Variants in MGAM observed in about 807,000 individuals in gnomAD.
MGAM encodes maltase-glucoamylase, also known as alpha-1,4-glucosidase.
In MGAM, 253 loss-of-function variants were observed where a neutral mutation model predicts 358.8. The observed-to-expected ratio is 0.71, with a 90% confidence interval of 0.64 to 0.78. The LOEUF is 0.78. Ranked by LOEUF, MGAM falls within the 30% of genes least tolerant of loss-of-function variation. The probability of loss-of-function intolerance (pLI) is 0.00; values close to 1 mark genes in which losing one functional copy is unlikely to be tolerated. For synonymous variants in MGAM, 1,105 were observed against 1,227.1 expected (o/e 0.90, Z 2.08); for missense variants, 3,080 against 3,432.6 (o/e 0.90, Z 2.57).
intron 47 of MGAM, among the ~76,000 whole-genome samples, chr7:142,077,920 G>C (rs1356152469): frequency 6.9e-6 from 1 of 145,634 alleles, no homozygotes; most frequent in Non-Finnish European, 1.6e-5. Flanking sequence ...TTGGGGACTG[G>C]AGAGCAAGAG....
At chr7:142,069,136 C>T (rs61557664) in intron 43 of MGAM, among the ~76,000 whole-genome samples, 1 of 145,880 alleles carries the variant, frequency 6.9e-6, no homozygotes, top group Non-Finnish European at 1.6e-5. Flanking sequence ...TAAATACCTC[C>T]TTCCATAGCA....
rs747301445 is a variant in MGAM at position 142,105,862 on chromosome 7, A to G, written c.8233A>G (p.Thr2745Ala). 3.1e-6 allele frequency: 5 copies of G among 1,613,244 alleles called. No individual in the cohort carries two copies. Among genetic ancestry groups the G allele is most frequent in the Non-Finnish European group, 4.2e-6 (5 of 1,179,260 alleles). The change falls in exon 71 of 71, where the codon ACT becomes GCT. Residue 2745 changes from threonine to alanine, a missense_variant. Thr to Ala is a moderately conservative substitution (Grantham distance 58, BLOSUM62 0). This residue lies in a region of MGAM where 194 missense variants were observed against 172.8 expected (regional missense o/e 1.12). Transcript: ENST00000475668. ...CAGAAACATCAGCCTACATAATTTTACTTCATTGACGTGGATAAGCACTCT... is the reference window on the plus strand; with the variant it reads ...CAGAAACATCAGCCTACATAATTTTGCTTCATTGACGTGGATAAGCACTCT... ...TDRNISLHNF[T>A]SLTWISTL
intron 10 of MGAM, chr7:142,030,127 G>A (rs1229770604): frequency 2.1e-6 from 1 of 467,156 alleles, no homozygotes; most frequent in Non-Finnish European, 3.9e-6. Context: ...GGCAAGGATT[G>A]GATGATGCAG....
At chr7:142,041,972 A>ATATATATACAATATAATATATATATAT (rs1808748098) in intron 21 of MGAM, among the ~76,000 whole-genome samples, 2 of 22,934 alleles carry the variant, frequency 8.7e-5, no homozygotes, top group Non-Finnish European at 1.6e-4. Context: ...TATATATATT[A>ATATATATACAATATAATATATATATAT]TATATATATA....
In MGAM at chr7:142,060,258, T is replaced by G. The variant is rs6958744; in HGVS notation, c.4060-53T>G. Reference sequence around the variant, plus strand: ...TGTATAACAATTTATTAGGAAATACTATGTAAGGGAAATTGTCTAGTGCAT... The same window carrying G: ...TGTATAACAATTTATTAGGAAATACGATGTAAGGGAAATTGTCTAGTGCAT... On this transcript the variant is annotated intron_variant, in intron 33 of 70. Transcript: ENST00000475668. 5,301 of 1,591,114 alleles carry G rather than the reference T, an allele frequency of 3.3e-3. 14 individuals are homozygous for G. In the African/African-American group the frequency reaches 0.062, roughly 18 times the overall value.
At position 142,095,191 on chromosome 7, in the gene MGAM, G is replaced by T. The variant is rs78176531; in HGVS notation, c.7458+328G>T. Among the ~76,000 whole-genome samples the T allele has an allele frequency of 2.1e-4, 32 of 152,104 alleles. No individual in the cohort carries two copies. The South Asian group carries it at 6.4e-3, about 31-fold the overall frequency. On this transcript the variant is annotated intron_variant, in intron 63 of 70. Coordinates refer to ENST00000475668, the MANE Select transcript of MGAM (RefSeq NM_001365693.1). ...TATTTCCCAAGCTTGTCTCGAACTC[G>T]TGGCCTCAGTCCCCGAAAGTGCTGG...
chr7:142,019,339 G>T lies in MGAM; in HGVS notation c.448+20G>T. 6.2e-7 allele frequency: 1 copy of T among 1,609,368 alleles called. No individual in the cohort carries two copies. ...ATGCAGGTAAGCCAGAGTCTGCCATGATGCAGGAGGTCCAGACCCTCTGGA... is the reference window on the plus strand; with the variant it reads ...ATGCAGGTAAGCCAGAGTCTGCCATTATGCAGGAGGTCCAGACCCTCTGGA... On this transcript the variant is annotated intron_variant, in intron 4 of 70. Transcript: ENST00000475668.
At chr7:142,093,242 G>T (rs976413817) in intron 59 of MGAM, among the ~76,000 whole-genome samples, 170 bp from the exon 60 acceptor site, 2 of 146,430 alleles carry the variant, frequency 1.4e-5, no homozygotes, top group African/African-American at 4.9e-5. Flanking sequence ...CACTGGAGCC[G>T]CCGTTGCAGC....
intron 23 of MGAM, 89 bp from the exon 24 acceptor site, chr7:142,050,608 A>G (rs1810851735): frequency 6.0e-6 from 8 of 1,331,360 alleles, no homozygotes; most frequent in Non-Finnish European, 7.4e-6. Flanking sequence ...AGTGGGGGGT[A>G]TCCGGTCTGG....
chr7:142,035,632 A>G (rs1416842710), intron 16 of MGAM, among the ~76,000 whole-genome samples: 1 of 152,188 alleles, frequency 6.6e-6, no homozygotes, highest in African/African-American at 2.4e-5. Context: ...CACAAACAGT[A>G]TAAGGGGGAT....
Position 142,027,570 on chromosome 7 carries a change from C to T in MGAM, c.1096-40C>T, listed in dbSNP as rs895067176. On this transcript the variant is annotated intron_variant, in intron 9 of 70. Transcript: ENST00000475668. Reference sequence around the variant, plus strand: ...TGCTTCGAAAAATTTTTATTAAAAACAGAGTATTTGCTAATTTTCACTTCA... The same window carrying T: ...TGCTTCGAAAAATTTTTATTAAAAATAGAGTATTTGCTAATTTTCACTTCA... 2.5e-6 allele frequency: 4 copies of T among 1,607,682 alleles called. No individual in the cohort carries two copies. In the Admixed American group the frequency reaches 6.8e-5, roughly 27 times the overall value.
At chr7:142,047,614 G>C (rs1298653209) in intron 21 of MGAM, among the ~76,000 whole-genome samples, 171 bp from the exon 22 acceptor site, 1 of 152,162 alleles carries the variant, frequency 6.6e-6, no homozygotes, top group Non-Finnish European at 1.5e-5. Context: ...TTGTGACACT[G>C]TTGATATTAA....
Position 142,034,264 on chromosome 7 carries a change from A to G in MGAM, c.1672A>G (p.Ile558Val). Residue 558 changes from isoleucine to valine, a missense_variant and splice_region_variant, in exon 15 of 71, where the codon ATC (isoleucine) becomes GTC (valine). By Grantham distance (29) the Ile-to-Val change is conservative. Around this residue, in one of 5 missense-constraint regions of MGAM, gnomAD observed 1,816 missense variants for 1,840.5 expected, o/e 0.99. Transcript: ENST00000475668. ...GATTGATCCTGCTTTTGTTTCAGGA[A>G]TCCTGGATGGGTACCTGTTCTGCAA... Reference protein sequence around the residue: ...NLNNPPFTPRILDGYLFCKTL... With the variant: ...NLNNPPFTPRVLDGYLFCKTL... The G allele has an allele frequency of 6.3e-7, 1 of 1,584,138 alleles. No homozygotes were observed. Among genetic ancestry groups the G allele is most frequent in the Non-Finnish European group, 8.6e-7 (1 of 1,163,634 alleles).
At chr7:141,997,832 G>T (rs1266868643) in intron 1 of MGAM, among the ~76,000 whole-genome samples, 3 of 152,210 alleles carry the variant, frequency 2.0e-5, no homozygotes, top group Non-Finnish European at 2.9e-5. Context: ...TCACCAAGCA[G>T]CTGGGAAAGG....
chr7:142,039,250 C>A lies in MGAM; in HGVS notation c.2316+635C>A, dbSNP rs564155021. Among the ~76,000 whole-genome samples, 4 of 151,926 alleles carry A rather than the reference C, an allele frequency of 2.6e-5. No individual in the cohort carries two copies. The South Asian group carries it at 8.3e-4, about 32-fold the overall frequency. ...CCTCCTGAGTAGCTGGGGTTACAGG[C>A]ACCTGCCACCAAGCTCGGCTAATTT... On this transcript the variant is annotated intron_variant, in intron 19 of 70. Coordinates refer to ENST00000475668, the MANE Select transcript of MGAM (RefSeq NM_001365693.1).
At chr7:142,055,230 T>C (rs938620369) in intron 27 of MGAM, among the ~76,000 whole-genome samples, 1 of 152,134 alleles carries the variant, frequency 6.6e-6, no homozygotes, top group Non-Finnish European at 1.5e-5. Flanking sequence ...TTGAGTGCTA[T>C]GTAGAAAATG....
chr7:142,083,003 T>C (rs1263349814), intron 52 of MGAM, among the ~76,000 whole-genome samples: 1 of 146,258 alleles, frequency 6.8e-6, no homozygotes. Flanking sequence ...TCGTGCAATA[T>C]TCCCATGTAA....
chr7:142,010,569 C>A (rs1805522378), intron 3 of MGAM, among the ~76,000 whole-genome samples: 1 of 152,072 alleles, frequency 6.6e-6, no homozygotes, highest in Admixed American at 6.6e-5. Context: ...TCATCATTTC[C>A]TCATGCTTGG....
chr7:142,106,169 T>A lies in MGAM; in HGVS notation c.*278T>A, dbSNP rs192462283. On this transcript the variant is annotated 3_prime_UTR_variant, in exon 71 of 71. Transcript: ENST00000475668. ...TTCATCATATGACATTTACTGAAGA[T>A]GAACTGGGTCCATGATGAAGTGTGT... The A allele has an allele frequency of 7.9e-6, 2 of 253,754 alleles. No homozygotes were observed. The highest frequency in any genetic ancestry group is 4.4e-5 in the African/African-American group (2 of 45,018). The allele number at this position is 253,754 out of a possible 1,614,324, so 15.7% of individuals were successfully genotyped here.
Sources: gnomAD v4.1 joint callset for allele counts (sites outside exome capture counted in the v4.1 genomes callset) on GRCh38, gnomAD v4.1.1 for gene constraint, gnomAD v4.1.1 regional missense constraint, MANE v1.5 for transcripts, NCBI Gene and HGNC (gene_info 2026-07-23, HGNC 2026-07-21) for gene names.